The following PCCB variants were observed in gnomAD, a reference collection of about 807,000 sequenced individuals.
PCCB encodes the protein propionyl-CoA carboxylase subunit beta, also known as propionyl-CoA carboxylase beta chain, mitochondrial.
PCCB carries 43 observed loss-of-function variants against 60.7 expected under a neutral mutation model. The ratio of observed to expected loss-of-function variants is 0.71; its 90% CI spans 0.55 to 0.91. The LOEUF is 0.91. Ranked by LOEUF, PCCB falls within the 40% of genes least tolerant of loss-of-function variation. The pLI is 0.00. For missense variants in PCCB, 766 were observed against 702.8 expected (o/e 1.09, Z -1.02); for synonymous variants, 276 against 255.9 (o/e 1.08, Z -0.75).
chr3:136,275,484 C>T (rs982972310), intron 5 of PCCB, among the ~76,000 whole-genome samples: 9 of 152,000 alleles, frequency 5.9e-5, no homozygotes, highest in South Asian at 4.1e-4. Flanking sequence ...TGTGATCTTT[C>T]GGGGGTATGA....
chr3:136,318,077 G>A (rs1414576327), intron 10 of PCCB, among the ~76,000 whole-genome samples: 3 of 152,152 alleles, frequency 2.0e-5, no homozygotes, highest in Non-Finnish European at 4.4e-5. Flanking sequence ...GGTGCCTCAC[G>A]CCTGTAATCC....
chr3:136,286,569 A>G (rs982071219), intron 6 of PCCB, among the ~76,000 whole-genome samples: 1 of 152,168 alleles, frequency 6.6e-6, no homozygotes, highest in South Asian at 2.1e-4. Context: ...GTCTTTTGCT[A>G]TCACATCCCA....
At chr3:136,311,640 C>T (rs1302043657) in intron 9 of PCCB, among the ~76,000 whole-genome samples, 3 of 152,054 alleles carry the variant, frequency 2.0e-5, no homozygotes, top group East Asian at 1.9e-4. Context: ...AAGCCCAGCC[C>T]AGGGTGATCT....
At chr3:136,259,956 T>C (rs1941776423) in intron 3 of PCCB, among the ~76,000 whole-genome samples, 1 of 151,742 alleles carries the variant, frequency 6.6e-6, no homozygotes, top group Non-Finnish European at 1.5e-5. Context: ...TTCACCATGT[T>C]GGCCAGGGTG....
chr3:136,298,477 T>C (rs1339424372), intron 8 of PCCB, among the ~76,000 whole-genome samples: 3 of 152,196 alleles, frequency 2.0e-5, no homozygotes, highest in Non-Finnish European at 4.4e-5. Context: ...ATGCTGACTA[T>C]ACCTGGCTTT....
chr3:136,305,520 G>A lies in PCCB; in HGVS notation c.966+4409G>A, dbSNP rs1260281983. 1.7e-5 allele frequency among the ~76,000 whole-genome samples: 2 copies of A among 119,542 alleles called. 1 individual carries two copies. Among genetic ancestry groups the A allele is most frequent in the South Asian group, 6.6e-4 (2 of 3,010 alleles). The allele number at this position is 119,542 out of a possible 152,430, so 78.4% of individuals were successfully genotyped here. A position where few individuals can be genotyped will look rare whatever the true frequency, so the allele number is the denominator to read the frequency against. ...TTCCAGCACTTTGGGAGGCTGAGGC[G>A]GGTGGATCACTTGAGGTCAGGAGTT... On this transcript the variant is annotated intron_variant, in intron 9 of 14. Coordinates refer to ENST00000251654, the MANE Select transcript of PCCB (RefSeq NM_000532.5).
intron 9 of PCCB, among the ~76,000 whole-genome samples, chr3:136,314,257 A>C (rs1934790360): frequency 6.6e-6 from 1 of 152,224 alleles, no homozygotes; most frequent in African/African-American, 2.4e-5. Flanking sequence ...ATGGTGAAAG[A>C]TTATAATCCA....
intron 1 of PCCB, among the ~76,000 whole-genome samples, chr3:136,251,700 T>C (rs1038467942): frequency 2.0e-5 from 3 of 152,140 alleles, no homozygotes; most frequent in Non-Finnish European, 2.9e-5. Context: ...GAAAGGCCTG[T>C]CAGTGCTCCT....
chr3:136,305,984 A>G (rs531670866), intron 9 of PCCB, among the ~76,000 whole-genome samples: 7 of 121,664 alleles, frequency 5.8e-5, no homozygotes, highest in African/African-American at 1.7e-4. Flanking sequence ...GAATACACTG[A>G]AGGACACTAC....
At chr3:136,258,075 A>ATCTC (rs113793438) in intron 3 of PCCB, among the ~76,000 whole-genome samples, 4 of 151,968 alleles carry the variant, frequency 2.6e-5, no homozygotes, top group Non-Finnish European at 5.9e-5. Flanking sequence ...AAGGAATCAC[A>ATCTC]TTTGTTTTGT....
chr3:136,253,369 G>A (rs1314627947), intron 1 of PCCB, among the ~76,000 whole-genome samples: 7 of 151,384 alleles, frequency 4.6e-5, no homozygotes, highest in South Asian at 4.2e-4. Flanking sequence ...GATTACAGGC[G>A]TGAGCCACTG....
Position 136,302,053 on chromosome 3 carries a change from TG to T in PCCB, c.966+946del, listed in dbSNP as rs535655066. Among the ~76,000 whole-genome samples, 182 of 152,240 alleles carry T rather than the reference TG, an allele frequency of 1.2e-3. 1 individual carries two copies. Among genetic ancestry groups the T allele is most frequent in the African/African-American group, 4.2e-3 (175 of 41,540 alleles). ...AAAGCAGGAGAGCCTCGCAACAGTG[TG>T]GGGAGTTGTAGCAACAGTGACCACC... On this transcript the variant is annotated intron_variant, in intron 9 of 14. Transcript: ENST00000251654.
intron 5 of PCCB, among the ~76,000 whole-genome samples, chr3:136,271,373 A>G (rs1942195874): frequency 6.6e-6 from 1 of 152,116 alleles, no homozygotes; most frequent in Admixed American, 6.5e-5. Context: ...TGTATTTTCT[A>G]GTTCTGTGAA....
chr3:136,326,885 T>G lies in PCCB; in HGVS notation c.1173T>G (p.Phe391Leu), dbSNP rs751750136. 1.2e-6 allele frequency: 2 copies of G among 1,611,738 alleles called. No homozygotes were observed. The highest frequency in any genetic ancestry group is 2.7e-5 in the African/African-American group (2 of 75,006). ...CATTCAATATTCCACTCATCACTTT[T>G]GTTGATGTCCCTGGCTTTCTACCTG... ...CDAFNIPLIT[F>L]VDVPGFLPGT... Residue 391 changes from phenylalanine (F) to leucine (L), a missense_variant, in exon 11 of 15, where the codon TTT (phenylalanine) becomes TTG (leucine). By Grantham distance (22) the Phe-to-Leu change is conservative. Transcript: ENST00000251654.
intron 5 of PCCB, among the ~76,000 whole-genome samples, chr3:136,264,718 A>C (rs561115780): frequency 2.3e-4 from 35 of 150,954 alleles, no homozygotes; most frequent in Middle Eastern, 3.4e-3. Context: ...CTAAAAAAAA[A>C]CAAAAAATTA....
intron 9 of PCCB, among the ~76,000 whole-genome samples, chr3:136,313,340 C>T (rs760080697): frequency 6.6e-6 from 1 of 152,140 alleles, no homozygotes; most frequent in African/African-American, 2.4e-5. Flanking sequence ...ATGTAAGCCA[C>T]GTGTAGATTG....
chr3:136,300,055 CAT>C (rs534731243), intron 8 of PCCB, among the ~76,000 whole-genome samples: 12 of 151,730 alleles, frequency 7.9e-5, no homozygotes, highest in East Asian at 3.9e-4. Context: ...TGCCCACACA[CAT>C]GCATATCAAC....
At chr3:136,327,045 G>A (rs1206589953) in intron 11 of PCCB, 110 bp from the exon 12 acceptor site, 2 of 1,158,804 alleles carry the variant, frequency 1.7e-6, no homozygotes, top group Admixed American at 3.4e-5. Context: ...AGAAGATAGG[G>A]CTGTGTAAGG....
At chr3:136,263,583 T>G (rs1420709664) in intron 5 of PCCB, among the ~76,000 whole-genome samples, 1 of 152,180 alleles carries the variant, frequency 6.6e-6, no homozygotes. Flanking sequence ...TTAATTTTTG[T>G]TTTCAAGGGC....
Sources: allele counts gnomAD v4.1 joint callset (sites outside exome capture counted in the v4.1 genomes callset), GRCh38; gene constraint gnomAD v4.1.1; transcripts MANE v1.5; gene names NCBI Gene and HGNC (gene_info 2026-07-23, HGNC 2026-07-21).